AZIN2: variants seen among roughly 807,000 people sequenced by gnomAD.
The protein encoded by AZIN2 is antizyme inhibitor 2.
AZIN2 carries 28 observed loss-of-function variants against 47.8 expected under a neutral mutation model. The ratio of observed to expected loss-of-function variants is 0.59; its 90% confidence interval spans 0.43 to 0.80. The LOEUF is 0.80. AZIN2 is among the 30% of genes least tolerant of loss of function. The pLI, the probability that AZIN2 is intolerant of heterozygous loss-of-function variation, is 0.00. For synonymous variants in AZIN2, 221 were observed against 239.4 expected (o/e 0.92, Z 0.71); for missense variants, 535 against 582.5 (o/e 0.92, Z 0.84).
intron 5 of AZIN2, among the ~76,000 whole-genome samples, chr1:33,084,435 G>A (rs900623431): frequency 5.9e-5 from 9 of 152,106 alleles, no homozygotes; most frequent in East Asian, 1.9e-4. Flanking sequence ...AAACAAAAGC[G>A]TCTCCATATT....
intron 7 of AZIN2, 71 bp from the exon 8 acceptor site, chr1:33,094,476 AT>A (rs1642921670): frequency 6.0e-6 from 9 of 1,504,264 alleles, no homozygotes; most frequent in Non-Finnish European, 8.2e-6. Flanking sequence ...GCCCAATGTC[AT>A]TCTTGGCTGG....
intron 5 of AZIN2, among the ~76,000 whole-genome samples, chr1:33,084,593 A>G (rs1410021355): frequency 2.6e-5 from 4 of 151,316 alleles, no homozygotes; most frequent in Non-Finnish European, 2.9e-5. Flanking sequence ...TGCTCTCTTT[A>G]GATTTATTTT....
At chr1:33,158,987 C>T in the AZIN2 span, among the ~76,000 whole-genome samples, 2 of 152,140 alleles carry the variant, frequency 1.3e-5, no homozygotes, top group East Asian at 3.9e-4. Flanking sequence ...ACTACAGGTG[C>T]CTGCCACCAC....
chr1:33,083,879 TGGAA>T, intron 4 of AZIN2, 71 bp from the exon 5 acceptor site: 2 of 1,573,884 alleles, frequency 1.3e-6, no homozygotes, highest in Non-Finnish European at 1.7e-6. Flanking sequence ...GTCAGGTACT[TGGAA>T]GGATCACGGA....
chr1:33,161,048 G>A, the AZIN2 span, among the ~76,000 whole-genome samples: 1 of 152,234 alleles, frequency 6.6e-6, no homozygotes, highest in Non-Finnish European at 1.5e-5. The surrounding 1 kb of genome is among the most constrained non-coding windows in gnomAD (Gnocchi z 4.3). Context: ...AACGTCAGTT[G>A]CCTAAGAGCT....
At chr1:33,153,100 G>T in the AZIN2 span, among the ~76,000 whole-genome samples, 1 of 152,320 alleles carries the variant, frequency 6.6e-6, no homozygotes, top group East Asian at 1.9e-4. Flanking sequence ...TGCTGGATGG[G>T]GTTCTCAGGT....
intron 10 of AZIN2, among the ~76,000 whole-genome samples, chr1:33,114,799 C>G (rs903408749): frequency 6.6e-6 from 1 of 151,518 alleles, no homozygotes; most frequent in Non-Finnish European, 1.5e-5. Flanking sequence ...TGGGATTACA[C>G]GCCCAGCTAA....
chr1:33,165,658 G>T, the AZIN2 span: 1 of 1,141,656 alleles, frequency 8.8e-7, no homozygotes, highest in Non-Finnish European at 1.2e-6. This position sits in a 1 kb window ranked among gnomAD's most constrained non-coding sequence, Gnocchi z 4.0. Context: ...GGGTTAGCCT[G>T]GTCTCTGTCC....
At chr1:33,109,167 G>A (rs1557712496) in intron 10 of AZIN2, among the ~76,000 whole-genome samples, 1 of 152,132 alleles carries the variant, frequency 6.6e-6, no homozygotes, top group Non-Finnish European at 1.5e-5. Context: ...ATCTGTTAAA[G>A]TCCTTTGACC....
chr1:33,085,965 G>A (rs1040007543), intron 5 of AZIN2, among the ~76,000 whole-genome samples: 1 of 152,278 alleles, frequency 6.6e-6, no homozygotes, highest in South Asian at 2.1e-4. Flanking sequence ...TTCAGTCCCC[G>A]AGGTCTAGGG....
chr1:33,131,633 ATAATT>A, the AZIN2 span, among the ~76,000 whole-genome samples: 4 of 152,096 alleles, frequency 2.6e-5, no homozygotes, highest in South Asian at 6.2e-4. Context: ...AATAAAATAA[ATAATT>A]AAAATATATT....
intron 8 of AZIN2, 56 bp from the exon 9 acceptor site, chr1:33,096,640 TAGCAAGTCTTC>T: frequency 6.4e-7 from 1 of 1,555,466 alleles, no homozygotes; most frequent in South Asian, 1.1e-5. Flanking sequence ...CTTGGAGCTG[TAGCAAGTCTTC>T]AGCATAAAGC....
intron 10 of AZIN2, among the ~76,000 whole-genome samples, chr1:33,111,457 AATAAG>A (rs1644281975): frequency 6.6e-6 from 1 of 152,194 alleles, no homozygotes; most frequent in African/African-American, 2.4e-5. Context: ...CAAGAATAGA[AATAAG>A]ATAATATAAC....
At chr1:33,087,450 T>A (rs1375263214) in intron 5 of AZIN2, among the ~76,000 whole-genome samples, 1 of 149,004 alleles carries the variant, frequency 6.7e-6, no homozygotes, top group Admixed American at 6.7e-5. Context: ...TATATATTTT[T>A]TTTTGAGACA....
chr1:33,117,215 C>T (rs934997516), intron 10 of AZIN2, among the ~76,000 whole-genome samples: 1 of 152,146 alleles, frequency 6.6e-6, no homozygotes, highest in East Asian at 1.9e-4. Context: ...CCAGGTCCCC[C>T]TGTGATTGTT....
Position 33,081,580 on chromosome 1 carries a change from C to T in AZIN2, c.-284-21C>T, listed in dbSNP as rs369915071. On this transcript the variant is annotated intron_variant, in intron 2 of 11. Transcript: ENST00000294517. This position sits in a 1 kb window ranked among gnomAD's most constrained non-coding sequence, Gnocchi z 4.2. ...GGAGTCACTCGGACAGAAAAAACCT[C>T]GGCCTTCCGTTCTCTCCCAGGAGCT... The T allele has an allele frequency of 6.4e-6, 1 of 157,340 alleles. No individual in the cohort carries two copies. Among genetic ancestry groups the T allele is most frequent in the Admixed American group, 6.1e-5 (1 of 16,408 alleles). 9.7% of individuals were successfully genotyped at this position (157,340 alleles called of 1,614,324 possible).
In AZIN2 at chr1:33,092,084, C is replaced by T. The variant is rs1182304191; in HGVS notation, c.314C>T (p.Pro105Leu). 6.2e-7 allele frequency: 1 copy of T among 1,614,168 alleles called. No individual in the cohort carries two copies. Among genetic ancestry groups the T allele is most frequent in the South Asian group, 1.1e-5 (1 of 91,088 alleles). ...EMELVQHIGI[P>L]ASKIICANPC... ...GAGTTGGTCCAGCATATTGGAATCC[C>T]TGCCAGTAAGATCATCTGCGCCAAC... The change falls in exon 6 of 12, where the codon CCT (proline) becomes CTT (leucine). Residue 105 changes from proline (P) to leucine (L), a missense_variant. By Grantham distance (98) the Pro-to-Leu change is moderately conservative. Transcript: ENST00000294517.
chr1:33,130,975 T>C, the AZIN2 span, among the ~76,000 whole-genome samples: 1 of 152,084 alleles, frequency 6.6e-6, no homozygotes, highest in Admixed American at 6.5e-5. Flanking sequence ...CAGTGTTTGG[T>C]AATGTGAGGG....
chr1:33,097,224 C>T (rs1643249436), intron 9 of AZIN2, among the ~76,000 whole-genome samples: 1 of 152,128 alleles, frequency 6.6e-6, no homozygotes, highest in Non-Finnish European at 1.5e-5. Flanking sequence ...TCTGTCTCCT[C>T]TCCAAAATAC....
Sources: gnomAD v4.1 joint callset for allele counts (sites outside exome capture counted in the v4.1 genomes callset) on GRCh38, gnomAD v4.1.1 for gene constraint, Gnocchi (gnomAD v3.1) non-coding constraint, MANE v1.5 for transcripts, NCBI Gene and HGNC (gene_info 2026-07-23, HGNC 2026-07-21) for gene names.